The following PEBP4 variants were observed in gnomAD, a reference collection of about 807,000 sequenced individuals.
PEBP4 encodes the protein phosphatidylethanolamine-binding protein 4.
PEBP4 carries 22 observed loss-of-function variants against 23.9 expected under a neutral mutation model. That is an observed-to-expected ratio of 0.92 (90% CI 0.66 to 1.31). The LOEUF (loss-of-function observed/expected upper bound fraction) is 1.31. PEBP4 is among the 40% of genes most tolerant of loss of function. The pLI is 0.00. For synonymous variants in PEBP4, 112 were observed against 99.3 expected, an observed-to-expected ratio of 1.13 and a Z score of -0.76; for missense variants, 324 against 281.7, an observed-to-expected ratio of 1.15 and a Z score of -1.07.
intron 4 of PEBP4, among the ~76,000 whole-genome samples, chr8:22,743,204 T>C (rs1020198764): frequency 5.3e-5 from 8 of 151,720 alleles, no homozygotes; most frequent in African/African-American, 1.9e-4. Context: ...GGCTGGGGAG[T>C]GAGCAAGGGC....
At chr8:22,755,853 G>C (rs1774654189) in intron 4 of PEBP4, 1 of 152,060 alleles carries the variant, frequency 6.6e-6, no homozygotes, top group African/African-American at 2.4e-5. Flanking sequence ...ACCTCACTCA[G>C]AAAACGGAGC....
At chr8:22,861,357 A>C (rs1421379981) in intron 3 of PEBP4, among the ~76,000 whole-genome samples, 1 of 152,262 alleles carries the variant, frequency 6.6e-6, no homozygotes, top group East Asian at 1.9e-4. Flanking sequence ...AGACTAATTG[A>C]ATCCTCACAA....
At chr8:22,759,772 G>A (rs753700794) in intron 4 of PEBP4, among the ~76,000 whole-genome samples, 3 of 152,294 alleles carry the variant, frequency 2.0e-5, no homozygotes, top group Non-Finnish European at 4.4e-5. Flanking sequence ...TCCCTTCCGC[G>A]TACCCGTGCC....
chr8:22,940,833 C>CTCTCCTCTG (rs985398950), intron 1 of PEBP4, among the ~76,000 whole-genome samples: 1 of 152,108 alleles, frequency 6.6e-6, no homozygotes, highest in African/African-American at 2.4e-5. Context: ...GGTGTTTTTT[C>CTCTCCTCTG]TCTCCTCTGT....
intron 3 of PEBP4, among the ~76,000 whole-genome samples, chr8:22,853,396 T>C (rs550310165): frequency 6.6e-5 from 10 of 152,258 alleles, no homozygotes; most frequent in African/African-American, 2.4e-4. Context: ...TCTGCTTTCA[T>C]ACTAAAGGAA....
At chr8:22,920,798 C>T (rs888153646) in intron 2 of PEBP4, among the ~76,000 whole-genome samples, 2 of 152,232 alleles carry the variant, frequency 1.3e-5, no homozygotes. Context: ...CTCCCCTAAA[C>T]AATCAAGAGC....
At chr8:22,782,716 C>A (rs563544026) in intron 4 of PEBP4, among the ~76,000 whole-genome samples, 1 of 152,218 alleles carries the variant, frequency 6.6e-6, no homozygotes, top group Non-Finnish European at 1.5e-5. Context: ...GAGAGCCCGA[C>A]CACTTTCATC....
At chr8:22,738,300 G>A (rs1039416686) in intron 4 of PEBP4, among the ~76,000 whole-genome samples, 3 of 152,160 alleles carry the variant, frequency 2.0e-5, no homozygotes, top group Non-Finnish European at 2.9e-5. Flanking sequence ...AGACACAGGC[G>A]GGCTCGGCTC....
intron 4 of PEBP4, among the ~76,000 whole-genome samples, chr8:22,812,292 T>C (rs1806647712): frequency 1.3e-5 from 2 of 152,202 alleles, no homozygotes; most frequent in Non-Finnish European, 2.9e-5. Flanking sequence ...TTTCCCATTA[T>C]CTTATTCACC....
chr8:22,804,307 G>C (rs557147541), intron 4 of PEBP4, among the ~76,000 whole-genome samples: 1 of 152,028 alleles, frequency 6.6e-6, no homozygotes, highest in Non-Finnish European at 1.5e-5. Context: ...CTCCACCCTG[G>C]GCAACAGAAT....
intron 3 of PEBP4, among the ~76,000 whole-genome samples, chr8:22,853,486 T>A (rs1032273613): frequency 6.6e-6 from 1 of 152,254 alleles, no homozygotes; most frequent in Admixed American, 6.5e-5. Flanking sequence ...GCTTAATATC[T>A]ATTAGCTCAA....
intron 3 of PEBP4, among the ~76,000 whole-genome samples, chr8:22,892,433 G>A (rs182004398): frequency 4.6e-5 from 7 of 152,262 alleles, no homozygotes; most frequent in African/African-American, 1.7e-4. Context: ...GGCCAGTTTG[G>A]TGGCTTCATT....
chr8:22,812,217 T>C (rs1806646072), intron 4 of PEBP4, among the ~76,000 whole-genome samples: 1 of 152,152 alleles, frequency 6.6e-6, no homozygotes, highest in African/African-American at 2.4e-5. Context: ...AGCACAGGTG[T>C]CCTGGCATGT....
At chr8:22,926,037 G>A (rs568160846) in intron 2 of PEBP4, among the ~76,000 whole-genome samples, 53 of 152,214 alleles carry the variant, frequency 3.5e-4, no homozygotes, top group African/African-American at 1.2e-3. Flanking sequence ...GTGCAGTGGC[G>A]CAATCTCGGC....
intron 2 of PEBP4, chr8:22,924,992 G>A (rs1488788988): frequency 1.0e-6 from 1 of 985,270 alleles, no homozygotes; most frequent in African/African-American, 1.7e-5. Flanking sequence ...GCCCACAAGA[G>A]GAGTGCCTTC....
chr8:22,892,217 T>C (rs1808509704), intron 3 of PEBP4, among the ~76,000 whole-genome samples: 1 of 152,228 alleles, frequency 6.6e-6, no homozygotes, highest in South Asian at 2.1e-4. Context: ...GTAATATCTT[T>C]TCTAAATTAT....
At chr8:22,915,488 T>C (rs572208225) in intron 3 of PEBP4, among the ~76,000 whole-genome samples, 1 of 150,116 alleles carries the variant, frequency 6.7e-6, no homozygotes, top group Non-Finnish European at 1.5e-5. Context: ...TGTGTCCCCA[T>C]GCTTGCCCGC....
At chr8:22,859,258 A>T (rs1807717114) in intron 3 of PEBP4, among the ~76,000 whole-genome samples, 1 of 152,212 alleles carries the variant, frequency 6.6e-6, no homozygotes, top group Non-Finnish European at 1.5e-5. Flanking sequence ...AAAGTCAAAG[A>T]TGGAAAATCC....
Position 22,797,193 on chromosome 8 carries a change from C to T in PEBP4, c.357+20444G>A, listed in dbSNP as rs371588825. On this transcript the variant is annotated intron_variant, in intron 4 of 6. Transcript: ENST00000256404. ...CGCTTGACCCAGGAGGCGGAGGTTG[C>T]GGTGAGCTGAGATTGCGCCATTGTA... 7.3e-3 allele frequency among the ~76,000 whole-genome samples: 1,039 copies of T among 143,112 alleles called. 10 individuals are homozygous for T. Among genetic ancestry groups the T allele is most frequent in the South Asian group, 0.025 (108 of 4,400 alleles). 93.9% of individuals were successfully genotyped at this position (143,112 alleles called of 152,430 possible). A position where few individuals can be genotyped will look rare whatever the true frequency, so the allele number is the denominator to read the frequency against.
Sources: allele counts gnomAD v4.1 joint callset (sites outside exome capture counted in the v4.1 genomes callset), GRCh38; gene constraint gnomAD v4.1.1; transcripts MANE v1.5; gene names NCBI Gene and HGNC (gene_info 2026-07-23, HGNC 2026-07-21).